The following PRKG1 variants were observed in gnomAD, a reference collection of about 807,000 sequenced individuals.
PRKG1 encodes cGMP-dependent protein kinase 1.
A neutral mutation model predicts 88.1 loss-of-function variants in PRKG1; 35 were observed. The ratio of observed to expected loss-of-function variants is 0.40; its 90% CI spans 0.30 to 0.53. The LOEUF (loss-of-function observed/expected upper bound fraction) is 0.53, where lower values mean the gene tolerates loss of function less well. Ranked by LOEUF, PRKG1 falls within the 20% of genes least tolerant of loss-of-function variation. The pLI, the probability that PRKG1 is intolerant of heterozygous loss-of-function variation, is 0.59. For missense variants in PRKG1, 540 were observed against 839.8 expected, an observed-to-expected ratio of 0.64 and a Z score of 4.41; for synonymous variants, 303 against 292.5, an observed-to-expected ratio of 1.04 and a Z score of -0.37.
At chr10:52,165,381 C>A (rs556001550) in intron 9 of PRKG1, among the ~76,000 whole-genome samples, 2 of 152,216 alleles carry the variant, frequency 1.3e-5, no homozygotes, top group South Asian at 4.1e-4. Flanking sequence ...TATTGAATTT[C>A]TTCCCCTTAA....
At chr10:51,864,513 G>T (rs1026674630) in intron 4 of PRKG1, among the ~76,000 whole-genome samples, 2 of 152,156 alleles carry the variant, frequency 1.3e-5, no homozygotes, top group African/African-American at 4.8e-5. Context: ...AATGTATTTT[G>T]TCTCAAATCC....
intron 3 of PRKG1, among the ~76,000 whole-genome samples, chr10:51,571,120 A>G (rs1480666026): frequency 1.3e-5 from 2 of 151,946 alleles, no homozygotes; most frequent in Non-Finnish European, 2.9e-5. Flanking sequence ...CGTGCTCACC[A>G]GTGAAATGGA....
chr10:51,175,823 T>G (rs1245030965), intron 2 of PRKG1, among the ~76,000 whole-genome samples: 1 of 152,110 alleles, frequency 6.6e-6, no homozygotes, highest in Non-Finnish European at 1.5e-5. Flanking sequence ...CAGCAATCTG[T>G]GCTTTATCAA....
chr10:51,945,192 C>G lies in PRKG1; in HGVS notation c.762+37622C>G, dbSNP rs1589443482. On this transcript the variant is annotated intron_variant, in intron 5 of 17. Transcript: ENST00000373980. ...AGTTAGCTCTTCTTGTTGAATTGAT[C>G]CCTTTACCATTATGTAATGGCCTTC... Among the ~76,000 whole-genome samples, 3 of 148,896 alleles carry G rather than the reference C, an allele frequency of 2.0e-5. No individual in the cohort carries two copies. The South Asian group carries it at 6.7e-4, about 33-fold the overall frequency.
chr10:51,251,158 A>T (rs1267747800), intron 2 of PRKG1, among the ~76,000 whole-genome samples: 2 of 151,744 alleles, frequency 1.3e-5, no homozygotes, highest in Non-Finnish European at 3.0e-5. Context: ...TAAACAACAA[A>T]TTGCATTGCT....
chr10:52,220,775 C>A (rs1840224295), intron 9 of PRKG1, among the ~76,000 whole-genome samples: 1 of 152,112 alleles, frequency 6.6e-6, no homozygotes, highest in African/African-American at 2.4e-5. Flanking sequence ...GTATAGTATT[C>A]CATGGTATAT....
chr10:51,632,012 G>A (rs1008982102), intron 3 of PRKG1, among the ~76,000 whole-genome samples: 4 of 152,088 alleles, frequency 2.6e-5, no homozygotes, highest in African/African-American at 7.2e-5. Context: ...TCCAACCTGC[G>A]GCTGGTGAAC....
At chr10:51,718,570 C>G (rs568874805) in intron 3 of PRKG1, among the ~76,000 whole-genome samples, 1 of 152,146 alleles carries the variant, frequency 6.6e-6, no homozygotes, top group Non-Finnish European at 1.5e-5. Flanking sequence ...TCTTTGAAAG[C>G]ATGTTATAGA....
chr10:51,018,398 T>G (rs1222784301), intron 1 of PRKG1, among the ~76,000 whole-genome samples: 1 of 152,180 alleles, frequency 6.6e-6, no homozygotes, highest in African/African-American at 2.4e-5. Context: ...GTTCTTAAGA[T>G]TGTCTCTAGT....
At chr10:52,272,322 C>T (rs1384555622) in intron 11 of PRKG1, 70 bp from the exon 12 acceptor site, 1 of 1,175,498 alleles carries the variant, frequency 8.5e-7, no homozygotes, top group Non-Finnish European at 1.2e-6. Flanking sequence ...TAATCTGGGC[C>T]CCCCAAAATT....
chr10:51,439,502 T>A (rs1407401446), intron 2 of PRKG1, among the ~76,000 whole-genome samples: 2 of 151,874 alleles, frequency 1.3e-5, no homozygotes, highest in African/African-American at 4.8e-5. Context: ...CTTCCTACAG[T>A]CTTCTGCAGC....
At chr10:51,898,845 T>A (rs1201704008) in intron 4 of PRKG1, among the ~76,000 whole-genome samples, 1 of 152,158 alleles carries the variant, frequency 6.6e-6, no homozygotes, top group South Asian at 2.1e-4. Context: ...TAATATTTTT[T>A]TCTTTAAATG....
At chr10:51,877,808 G>C (rs946935331) in intron 4 of PRKG1, among the ~76,000 whole-genome samples, 7 of 152,190 alleles carry the variant, frequency 4.6e-5, no homozygotes, top group Non-Finnish European at 1.5e-5. Context: ...ATAATTTGAA[G>C]TATATTCTCT....
intron 3 of PRKG1, among the ~76,000 whole-genome samples, chr10:51,488,638 T>A (rs561987275): frequency 1.5e-4 from 23 of 152,284 alleles, no homozygotes; most frequent in African/African-American, 5.5e-4. Flanking sequence ...GATCCTAATC[T>A]TTGAATCTAC....
chr10:52,203,938 G>T (rs938767913), intron 9 of PRKG1, among the ~76,000 whole-genome samples: 5 of 152,068 alleles, frequency 3.3e-5, no homozygotes, highest in African/African-American at 1.2e-4. Flanking sequence ...GTCACTTGAA[G>T]ACAGCATACA....
intron 7 of PRKG1, among the ~76,000 whole-genome samples, chr10:52,121,596 A>T (rs1195743637): frequency 6.6e-6 from 1 of 152,206 alleles, no homozygotes; most frequent in Admixed American, 6.5e-5. Flanking sequence ...ATCACTCTTA[A>T]ATTTCATCTT....
chr10:51,544,127 A>T (rs776968286), intron 3 of PRKG1, among the ~76,000 whole-genome samples: 4 of 152,042 alleles, frequency 2.6e-5, no homozygotes, highest in South Asian at 2.1e-4. Context: ...ATATGTATAC[A>T]TGTGCCATGT....
intron 3 of PRKG1, among the ~76,000 whole-genome samples, chr10:51,561,986 G>T (rs1160185134): frequency 2.0e-5 from 3 of 152,000 alleles, no homozygotes; most frequent in Non-Finnish European, 4.4e-5. Flanking sequence ...ACTTTGGGAG[G>T]CCAAGGCAGG....
At chr10:51,202,996 A>G (rs150785877) in intron 2 of PRKG1, among the ~76,000 whole-genome samples, 2 of 152,300 alleles carry the variant, frequency 1.3e-5, no homozygotes, top group East Asian at 1.9e-4. Context: ...AAGCTAATAG[A>G]CAAACGAGAA....
Sources: gnomAD v4.1 joint callset for allele counts (sites outside exome capture counted in the v4.1 genomes callset) on GRCh38, gnomAD v4.1.1 for gene constraint, MANE v1.5 for transcripts, NCBI Gene and HGNC (gene_info 2026-07-23, HGNC 2026-07-21) for gene names.